ABCC1: variants seen among roughly 807,000 people sequenced by gnomAD.
ABCC1 encodes multidrug resistance-associated protein 1.
ABCC1 carries 83 observed loss-of-function variants against 172.9 expected under a neutral mutation model. The observed-to-expected ratio is 0.48, with a 90% CI of 0.40 to 0.58. The LOEUF (loss-of-function observed/expected upper bound fraction) is 0.58, where lower values mean the gene tolerates loss of function less well. ABCC1 is among the 20% of genes least tolerant of loss of function. ABCC1 has a pLI of 0.00. For synonymous variants in ABCC1, 937 were observed against 825.2 expected (o/e 1.14, Z -2.32); for missense variants, 1,817 against 2,002.7 (o/e 0.91, Z 1.77).
chr16:15,983,826 G>C (rs184483285), intron 1 of ABCC1, among the ~76,000 whole-genome samples: 20 of 152,218 alleles, frequency 1.3e-4, no homozygotes, highest in Non-Finnish European at 2.5e-4. Context: ...AAAGTACTGG[G>C]ATTACAGGTA....
chr16:16,109,406 G>A (rs2052289255), intron 21 of ABCC1, among the ~76,000 whole-genome samples: 2 of 151,978 alleles, frequency 1.3e-5, no homozygotes, highest in Admixed American at 1.3e-4. Flanking sequence ...CAAACTCCTG[G>A]GCTCAAGTCA....
chr16:16,075,728 T>G (rs1268833753), intron 14 of ABCC1, among the ~76,000 whole-genome samples: 1 of 152,182 alleles, frequency 6.6e-6, no homozygotes, highest in Non-Finnish European at 1.5e-5. Flanking sequence ...TTCCGTATCC[T>G]CTTTTTTTGA....
At chr16:16,037,858 G>C (rs568734589) in intron 7 of ABCC1, among the ~76,000 whole-genome samples, 1 of 152,168 alleles carries the variant, frequency 6.6e-6, no homozygotes, top group African/African-American at 2.4e-5. Context: ...TCGTGACTCC[G>C]GTCGGAGGCT....
intron 21 of ABCC1, among the ~76,000 whole-genome samples, chr16:16,109,824 C>T (rs144065541): frequency 3.5e-4 from 53 of 152,290 alleles, no homozygotes; most frequent in Non-Finnish European, 7.1e-4. Flanking sequence ...CCTTGGTTGC[C>T]AGGCAACATG....
At chr16:16,140,681 T>C (rs1340286774) in intron 30 of ABCC1, among the ~76,000 whole-genome samples, 2 of 152,238 alleles carry the variant, frequency 1.3e-5, no homozygotes, top group Non-Finnish European at 2.9e-5. Context: ...CCCTGCGTGT[T>C]TTTATGAATA....
At chr16:16,103,508 A>AG (rs1201711782) in intron 20 of ABCC1, among the ~76,000 whole-genome samples, 1 of 152,140 alleles carries the variant, frequency 6.6e-6, no homozygotes, top group Non-Finnish European at 1.5e-5. Context: ...TGAACCCAGG[A>AG]GGTGGAGGTT....
intron 30 of ABCC1, among the ~76,000 whole-genome samples, chr16:16,139,382 C>A (rs2046042686): frequency 6.6e-6 from 1 of 152,006 alleles, no homozygotes; most frequent in Non-Finnish European, 1.5e-5. Flanking sequence ...GAGGCCGAGG[C>A]AGGCAGATCA....
At chr16:16,013,433 G>T (rs532222238) in intron 3 of ABCC1, among the ~76,000 whole-genome samples, 9 of 152,144 alleles carry the variant, frequency 5.9e-5, no homozygotes, top group African/African-American at 2.2e-4. Context: ...ACCACGCCTG[G>T]CTAATTTTTG....
Position 16,098,736 on chromosome 16 carries a change from T to G in ABCC1, c.2645-3891T>G, listed in dbSNP as rs532643849. On this transcript the variant is annotated intron_variant, in intron 19 of 30. Transcript: ENST00000399410. Reference sequence around the variant, plus strand: ...TGGGATGGGGAAACTGACGCACAAATGGAGCAGACCCTTCAGCCATTCTTG... The same window carrying G: ...TGGGATGGGGAAACTGACGCACAAAGGGAGCAGACCCTTCAGCCATTCTTG... 5.6e-6 allele frequency: 4 copies of G among 720,642 alleles called. No individual in the cohort carries two copies. The African/African-American group carries it at 7.2e-5, about 13-fold the overall frequency. 44.6% of individuals were successfully genotyped at this position (720,642 alleles called of 1,614,324 possible). A position where few individuals can be genotyped will look rare whatever the true frequency, so the allele number is the denominator to read the frequency against.
chr16:16,132,306 G>T (rs777683489), intron 27 of ABCC1, among the ~76,000 whole-genome samples: 1 of 151,800 alleles, frequency 6.6e-6, no homozygotes, highest in African/African-American at 2.4e-5. Context: ...ACACATGGTT[G>T]GGAGTGCAGG....
chr16:16,051,177 T>C (rs889544162), intron 10 of ABCC1, among the ~76,000 whole-genome samples: 1 of 151,920 alleles, frequency 6.6e-6, no homozygotes, highest in Non-Finnish European at 1.5e-5. Context: ...TTGTTTTTTT[T>C]GTTTTTTTAA....
At chr16:16,037,647 T>G (rs2048808500) in intron 7 of ABCC1, among the ~76,000 whole-genome samples, 1 of 152,218 alleles carries the variant, frequency 6.6e-6, no homozygotes, top group Non-Finnish European at 1.5e-5. Context: ...GTAAGTTTAC[T>G]ACGATAAACT....
chr16:16,115,559 C>T (rs2044824852), intron 23 of ABCC1, among the ~76,000 whole-genome samples: 1 of 152,058 alleles, frequency 6.6e-6, no homozygotes, highest in African/African-American at 2.4e-5. Context: ...GTTGGCCAGG[C>T]TGGTCTCAAA....
intron 23 of ABCC1, among the ~76,000 whole-genome samples, chr16:16,121,409 G>A (rs981664503): frequency 1.3e-5 from 2 of 152,188 alleles, no homozygotes; most frequent in Non-Finnish European, 2.9e-5. Context: ...AGTGTTAGTC[G>A]TGTTTATATT....
At chr16:16,043,220 C>CCGTTTTTTTT (rs1437069469) in intron 7 of ABCC1, among the ~76,000 whole-genome samples, 2 of 93,172 alleles carry the variant, frequency 2.1e-5, no homozygotes, top group African/African-American at 6.0e-5. Flanking sequence ...GCTGGCTGGA[C>CCGTTTTTTTT]TGTTTTTTTT....
chr16:15,949,604 G>T (rs1359141954), upstream of ABCC1: 1 of 414,926 alleles, frequency 2.4e-6, no homozygotes, highest in African/African-American at 2.2e-5. Context: ...CCCGGCCCCG[G>T]CTCCCTGCGC....
intron 1 of ABCC1, among the ~76,000 whole-genome samples, chr16:15,966,358 A>G (rs932334060): frequency 7.3e-5 from 11 of 150,950 alleles, no homozygotes; most frequent in Non-Finnish European, 1.3e-4. Flanking sequence ...GTTGCAGTGA[A>G]CTGAGATTGT....
chr16:16,038,427 C>T (rs967143965), intron 7 of ABCC1, among the ~76,000 whole-genome samples: 3 of 152,150 alleles, frequency 2.0e-5, no homozygotes, highest in Non-Finnish European at 4.4e-5. Context: ...GGCCAGAAAT[C>T]CTGGAGTTCT....
chr16:16,115,881 GC>G (rs1413209376), intron 23 of ABCC1, among the ~76,000 whole-genome samples: 1 of 151,220 alleles, frequency 6.6e-6, no homozygotes, highest in East Asian at 1.9e-4. Flanking sequence ...ATTTATACAA[GC>G]CTTTCATTCT....
Sources: allele counts gnomAD v4.1 joint callset (sites outside exome capture counted in the v4.1 genomes callset), GRCh38; gene constraint gnomAD v4.1.1; transcripts MANE v1.5; gene names NCBI Gene and HGNC (gene_info 2026-07-23, HGNC 2026-07-21).